The following FAM120B variants were observed in gnomAD, a reference collection of about 807,000 sequenced individuals.
FAM120B encodes the protein family with sequence similarity 120 member B.
A neutral mutation model predicts 96.3 loss-of-function variants in FAM120B; 83 were observed. The observed-to-expected ratio is 0.86, with a 90% CI of 0.72 to 1.03. The LOEUF is 1.03. Among genes scored for constraint, FAM120B ranks in the 50% least tolerant of loss-of-function variants. FAM120B has a pLI of 0.00. For synonymous variants in FAM120B, 407 were observed against 402.7 expected (o/e 1.01, Z -0.13); for missense variants, 1,027 against 1,121.2 (o/e 0.92, Z 1.20).
intron 3 of FAM120B, 22 bp downstream of exon 3, chr6:170,323,281 T>G (rs762204786): frequency 6.3e-7 from 1 of 1,592,484 alleles, no homozygotes; most frequent in Non-Finnish European, 8.6e-7. Flanking sequence ...TTGGTCCCTC[T>G]TAGTAAAGGT....
intron 4 of FAM120B, among the ~76,000 whole-genome samples, chr6:170,344,001 C>T (rs988726313): frequency 2.3e-4 from 35 of 150,114 alleles, no homozygotes; most frequent in Admixed American, 2.2e-3. Context: ...CGGATGAAAT[C>T]GTTCAGTCCA....
In FAM120B at chr6:170,320,070, A is replaced by G. The variant is rs537929529; in HGVS notation, c.1734+946A>G. ...TGAGATAGACTTATCCTTGTTTTAC[A>G]GAAGAGGTCTGTGTCCACATGAATG... On this transcript the variant is annotated intron_variant, in intron 2 of 10. Coordinates refer to ENST00000476287, the MANE Select transcript of FAM120B (RefSeq NM_032448.3). Among the ~76,000 whole-genome samples the G allele has an allele frequency of 1.3e-4, 20 of 152,370 alleles. No homozygotes were observed. The East Asian group carries it at 2.9e-3, about 22-fold the overall frequency.
At chr6:170,326,369 G>A (rs2115049753) in intron 3 of FAM120B, among the ~76,000 whole-genome samples, 1 of 152,312 alleles carries the variant, frequency 6.6e-6, no homozygotes, top group South Asian at 2.1e-4. Flanking sequence ...GTGCCCCTGT[G>A]TCCTGGCAAT....
At chr6:170,325,569 G>A (rs1255987088) in intron 3 of FAM120B, among the ~76,000 whole-genome samples, 4 of 151,470 alleles carry the variant, frequency 2.6e-5, no homozygotes, top group South Asian at 4.2e-4. Flanking sequence ...GGCCGGGCAC[G>A]GTAGCTCACG....
At chr6:170,310,216 T>G (rs1256786453) in intron 1 of FAM120B, among the ~76,000 whole-genome samples, 1 of 152,206 alleles carries the variant, frequency 6.6e-6, no homozygotes, top group Non-Finnish European at 1.5e-5. Flanking sequence ...TGCATCAGCC[T>G]CTAAGGGGTT....
intron 2 of FAM120B, among the ~76,000 whole-genome samples, chr6:170,322,843 C>G (rs1319343263): frequency 4.0e-5 from 6 of 151,828 alleles, no homozygotes; most frequent in Admixed American, 2.0e-4. Context: ...TGAGATACTG[C>G]AGAAGATAAG....
At chr6:170,324,290 C>T (rs1785463960) in intron 3 of FAM120B, among the ~76,000 whole-genome samples, 1 of 152,140 alleles carries the variant, frequency 6.6e-6, no homozygotes, top group African/African-American at 2.4e-5. Flanking sequence ...TGTAGCACCA[C>T]CCAGCATGCA....
intron 9 of FAM120B, among the ~76,000 whole-genome samples, chr6:170,399,311 C>T (rs1270197760): frequency 2.7e-5 from 4 of 147,526 alleles, no homozygotes; most frequent in African/African-American, 7.7e-5. Context: ...TATGTCATAA[C>T]TCTTAGGAGT....
At chr6:170,368,375 A>T (rs1429227172) in intron 6 of FAM120B, among the ~76,000 whole-genome samples, 1 of 152,224 alleles carries the variant, frequency 6.6e-6, no homozygotes, top group South Asian at 2.1e-4. Context: ...AAACCTTCTC[A>T]TAAAAGATCT....
Position 170,390,996 on chromosome 6 carries a change from A to T in FAM120B, c.2491-17A>T. On this transcript the variant is annotated splice_polypyrimidine_tract_variant and intron_variant, in intron 7 of 10. Transcript: ENST00000476287. ...ATCTGGCCCCTCACATCTCATTTGCATCTGGTCTGTTTGCAGAGATCTCGG... is the reference window on the plus strand; with the variant it reads ...ATCTGGCCCCTCACATCTCATTTGCTTCTGGTCTGTTTGCAGAGATCTCGG... 1 of 1,609,946 alleles carries T rather than the reference A, an allele frequency of 6.2e-7. No individual in the cohort carries two copies. The highest frequency in any genetic ancestry group is 8.5e-7 in the Non-Finnish European group (1 of 1,176,494).
chr6:170,325,427 G>A (rs1785527789), intron 3 of FAM120B, among the ~76,000 whole-genome samples: 1 of 147,772 alleles, frequency 6.8e-6, no homozygotes, highest in African/African-American at 2.5e-5. Flanking sequence ...TTTGCCTTTT[G>A]TTCTTTTTTC....
At position 170,388,344 on chromosome 6, in the gene FAM120B, A is replaced by G; in HGVS notation, c.2341A>G (p.Thr781Ala). ...QLGSLLVRGL[T>A]TLVLVNSACG... ...GGGCTCCCTTCTCGTCCGCGGCCTC[A>G]CCACTCTGGTTTTAGTCAACAGCGC... Residue 781 changes from threonine (T) to alanine (A), a missense_variant, in exon 7 of 11, where the codon ACC becomes GCC. Thr to Ala is a moderately conservative substitution (Grantham distance 58, BLOSUM62 0). Transcript: ENST00000476287. 1.2e-6 allele frequency: 2 copies of G among 1,614,148 alleles called. No homozygotes were observed. The highest frequency in any genetic ancestry group is 1.7e-6 in the Non-Finnish European group (2 of 1,180,020).
At chr6:170,352,622 A>G (rs1381448886) in intron 5 of FAM120B, among the ~76,000 whole-genome samples, 1 of 152,236 alleles carries the variant, frequency 6.6e-6, no homozygotes, top group Non-Finnish European at 1.5e-5. Context: ...AGATTAAGAA[A>G]TTCACTCAAA....
chr6:170,313,751 T>TG (rs769377758), intron 1 of FAM120B, among the ~76,000 whole-genome samples: 7 of 152,260 alleles, frequency 4.6e-5, no homozygotes, highest in Non-Finnish European at 1.5e-5. Flanking sequence ...GTCTCTTACG[T>TG]GCCATTGCTT....
At chr6:170,397,052 G>A (rs1259101909) in intron 9 of FAM120B, among the ~76,000 whole-genome samples, 1 of 152,248 alleles carries the variant, frequency 6.6e-6, no homozygotes, top group African/African-American at 2.4e-5. Context: ...TCGTGTGTGT[G>A]TAGAGAGCTC....
At chr6:170,379,570 T>A (rs1354552430) in intron 6 of FAM120B, among the ~76,000 whole-genome samples, 4 of 152,242 alleles carry the variant, frequency 2.6e-5, no homozygotes, top group African/African-American at 9.6e-5. Context: ...CAAAAAGTTT[T>A]GGATTTGGGA....
chr6:170,354,470 T>G (rs1787769658), intron 5 of FAM120B, among the ~76,000 whole-genome samples: 1 of 151,652 alleles, frequency 6.6e-6, no homozygotes, highest in Non-Finnish European at 1.5e-5. Context: ...ATCATCAGAG[T>G]AAACAACCTA....
At chr6:170,372,518 A>C (rs1028741313) in intron 6 of FAM120B, among the ~76,000 whole-genome samples, 1 of 152,194 alleles carries the variant, frequency 6.6e-6, no homozygotes, top group Non-Finnish European at 1.5e-5. Flanking sequence ...AAGATAGTCT[A>C]ATTTTATGAA....
intron 6 of FAM120B, among the ~76,000 whole-genome samples, chr6:170,383,157 CAAATGGAAA>C (rs1195304157): frequency 2.7e-5 from 4 of 149,726 alleles, no homozygotes; most frequent in Non-Finnish European, 5.9e-5. Context: ...AAAATTAACT[CAAATGGAAA>C]ATGAAATTAA....
Sources: gnomAD v4.1 joint callset for allele counts (sites outside exome capture counted in the v4.1 genomes callset) on GRCh38, gnomAD v4.1.1 for gene constraint, MANE v1.5 for transcripts, NCBI Gene and HGNC (gene_info 2026-07-23, HGNC 2026-07-21) for gene names.